MIA2: variants seen among roughly 807,000 people sequenced by gnomAD.
MIA2 encodes melanoma inhibitory activity protein 2.
A neutral mutation model predicts 167.8 loss-of-function variants in MIA2; 127 were observed. The observed-to-expected ratio is 0.76, with a 90% CI of 0.66 to 0.88. The LOEUF (loss-of-function observed/expected upper bound fraction) is 0.88. Among genes scored for constraint, MIA2 ranks in the 40% least tolerant of loss-of-function variants. The pLI, the probability that MIA2 is intolerant of heterozygous loss-of-function variation, is 0.00. For synonymous variants in MIA2, 552 were observed against 541.9 expected (o/e 1.02, Z -0.26); for missense variants, 1,690 against 1,624.7 (o/e 1.04, Z -0.69).
chr14:39,294,846 G>T, intron 12 of MIA2, 79 bp from the exon 13 acceptor site: 1 of 921,354 alleles, frequency 1.1e-6, no homozygotes, highest in East Asian at 2.4e-5. Flanking sequence ...GTTTAATTCT[G>T]TGTTCTAGGG....
chr14:39,346,368 G>A (rs1040856475), intron 26 of MIA2, among the ~76,000 whole-genome samples: 1 of 152,076 alleles, frequency 6.6e-6, no homozygotes, highest in African/African-American at 2.4e-5. Flanking sequence ...AAATGTGAAT[G>A]GATACATAAA....
At position 39,247,034 on chromosome 14, in the gene MIA2, A is replaced by G. The variant is rs774768341; in HGVS notation, c.460A>G (p.Ile154Val). Reference sequence around the variant, plus strand: ...AGAAGATAAAGATGAAAAATCTAGTATATATGAAAGTGATTTTCAGATAGA... The same window carrying G: ...AGAAGATAAAGATGAAAAATCTAGTGTATATGAAAGTGATTTTCAGATAGA... ...YEEDKDEKSS[I>V]YESDFQIEPG... Residue 154 changes from isoleucine to valine, a missense_variant, in exon 4 of 29, where the codon ATA becomes GTA. Coordinates refer to ENST00000640607, the MANE Select transcript of MIA2 (RefSeq NM_001329214.4). The G allele has an allele frequency of 1.2e-6, 2 of 1,600,052 alleles. No homozygotes were observed. Among genetic ancestry groups the G allele is most frequent in the South Asian group, 1.1e-5 (1 of 87,830 alleles).
In MIA2 at chr14:39,295,521, A is replaced by G. The variant is rs550433072; in HGVS notation, c.2496+492A>G. Among the ~76,000 whole-genome samples the G allele has an allele frequency of 3.3e-5, 5 of 152,186 alleles. No homozygotes were observed. In the East Asian group the frequency reaches 9.6e-4, roughly 29 times the overall value. ...GTGATTAAATTATTATAATTATCCAAATATTACTCACACCAGAGCCACATG... is the reference window on the plus strand; with the variant it reads ...GTGATTAAATTATTATAATTATCCAGATATTACTCACACCAGAGCCACATG... On this transcript the variant is annotated intron_variant, in intron 13 of 28. Transcript: ENST00000640607.
In MIA2 at chr14:39,320,136, A is replaced by G. The variant is rs2066166014; in HGVS notation, c.3368-792A>G. 1.4e-5 allele frequency among the ~76,000 whole-genome samples: 2 copies of G among 139,776 alleles called. 1 individual carries two copies. The highest frequency in any genetic ancestry group is 5.4e-5 in the African/African-American group (2 of 37,058). 91.7% of individuals were successfully genotyped at this position (139,776 alleles called of 152,430 possible). A position where few individuals can be genotyped will look rare whatever the true frequency, so the allele number is the denominator to read the frequency against. On this transcript the variant is annotated intron_variant, in intron 23 of 28. Transcript: ENST00000640607. The stretch of plus-strand genomic sequence containing the variant: ...TTGTCTGAATCCAACACAAAATTTC[A>G]AGAAGGGTAACTAATGCTTTGATCT...
intron 12 of MIA2, among the ~76,000 whole-genome samples, 163 bp from the exon 13 acceptor site, chr14:39,294,762 C>T (rs2061191424): frequency 6.6e-6 from 1 of 152,166 alleles, no homozygotes; most frequent in Non-Finnish European, 1.5e-5. Flanking sequence ...AGGACTAGAC[C>T]TGGATTCTAG....
At chr14:39,332,431 G>A (rs1425040417) in intron 25 of MIA2, among the ~76,000 whole-genome samples, 1 of 152,096 alleles carries the variant, frequency 6.6e-6, no homozygotes, top group Non-Finnish European at 1.5e-5. Context: ...ACCTTCTGAA[G>A]CCTACTTCTG....
At chr14:39,270,946 C>A (rs28806217) in intron 6 of MIA2, among the ~76,000 whole-genome samples, 4,284 of 152,186 alleles carry the variant, frequency 0.028, 87 homozygotes, top group Non-Finnish European at 0.039. Flanking sequence ...TCCTTTGAAG[C>A]GTAAGCGTTC....
chr14:39,358,846 A>C lies in MIA2; in HGVS notation c.2248+9869A>C, dbSNP rs1409064672. Among the ~76,000 whole-genome samples the C allele has an allele frequency of 2.6e-5, 4 of 152,304 alleles. No individual in the cohort carries two copies. In the East Asian group the frequency reaches 7.7e-4, roughly 29 times the overall value. ...AGACCCTGTTTGCCTGGGTATCAGCAGTGGAGGCTGCAGAACAGCGGATAT... is the reference window on the plus strand; with the variant it reads ...AGACCCTGTTTGCCTGGGTATCAGCCGTGGAGGCTGCAGAACAGCGGATAT... On this transcript the variant is annotated intron_variant, in intron 23 of 23. Transcript: ENST00000341502.
intron 6 of MIA2, among the ~76,000 whole-genome samples, chr14:39,275,014 G>T (rs1257379275): frequency 6.7e-6 from 1 of 149,134 alleles, no homozygotes; most frequent in African/African-American, 2.5e-5. Flanking sequence ...GACGGAGGTT[G>T]CAGTAAGCCT....
At chr14:39,343,349 G>A (rs2072458271) in intron 25 of MIA2, among the ~76,000 whole-genome samples, 1 of 152,140 alleles carries the variant, frequency 6.6e-6, no homozygotes, top group African/African-American at 2.4e-5. Context: ...ATTTCACCAT[G>A]TTGGCCAGGC....
At chr14:39,260,586 C>A (rs997766843) in intron 6 of MIA2, among the ~76,000 whole-genome samples, 4 of 152,142 alleles carry the variant, frequency 2.6e-5, no homozygotes, top group African/African-American at 9.7e-5. Flanking sequence ...TTATTAAGTT[C>A]TTTGCAGATT....
At chr14:39,280,897 C>A (rs1175590770) in intron 9 of MIA2, among the ~76,000 whole-genome samples, 2 of 123,256 alleles carry the variant, frequency 1.6e-5, no homozygotes, top group Non-Finnish European at 3.5e-5. Flanking sequence ...GGCTTAATGT[C>A]TTTTATTAGT....
intron 23 of MIA2, among the ~76,000 whole-genome samples, chr14:39,380,133 C>T (rs138157602): frequency 3.7e-3 from 562 of 152,248 alleles, no homozygotes; most frequent in African/African-American, 0.012. Flanking sequence ...TGAAAGAAAA[C>T]ATTTCCTTCA....
At chr14:39,286,410 G>C (rs1191080758) in intron 9 of MIA2, among the ~76,000 whole-genome samples, 1 of 152,204 alleles carries the variant, frequency 6.6e-6, no homozygotes, top group African/African-American at 2.4e-5. Flanking sequence ...GTCCAGCTTT[G>C]GCTCGGCATC....
intron 9 of MIA2, among the ~76,000 whole-genome samples, chr14:39,289,727 C>G (rs1392030451): frequency 6.6e-6 from 1 of 152,148 alleles, no homozygotes; most frequent in Non-Finnish European, 1.5e-5. Context: ...AAGTGATCCT[C>G]CCACGTTGGC....
At chr14:39,386,870 G>A (rs780219210) in intron 23 of MIA2, 4 of 848,440 alleles carry the variant, frequency 4.7e-6, no homozygotes, top group African/African-American at 1.7e-5. Context: ...TGAGGCGGTC[G>A]TTCTCTCTCA....
At chr14:39,312,208 A>G (rs1378598129) in intron 18 of MIA2, among the ~76,000 whole-genome samples, 1 of 152,186 alleles carries the variant, frequency 6.6e-6, no homozygotes, top group African/African-American at 2.4e-5. Context: ...ACCCAAATTC[A>G]ATGGGAAGGT....
chr14:39,382,086 A>C (rs907858406), intron 23 of MIA2, among the ~76,000 whole-genome samples: 1 of 152,256 alleles, frequency 6.6e-6, no homozygotes, highest in Non-Finnish European at 1.5e-5. Context: ...TATTGGAAGC[A>C]AGCTGAAACT....
At chr14:39,367,788 CCTTCT>C (rs2074854309) in intron 23 of MIA2, among the ~76,000 whole-genome samples, 1 of 151,486 alleles carries the variant, frequency 6.6e-6, no homozygotes, top group African/African-American at 2.4e-5. Context: ...TCTTGAAGCC[CCTTCT>C]CTTCTCTATT....
Sources: allele counts gnomAD v4.1 joint callset (sites outside exome capture counted in the v4.1 genomes callset), GRCh38; gene constraint gnomAD v4.1.1; transcripts MANE v1.5; gene names NCBI Gene and HGNC (gene_info 2026-07-23, HGNC 2026-07-21).